Variants in ZNF296 observed in about 807,000 individuals in gnomAD.
The protein encoded by ZNF296 is zinc finger protein 296.
In ZNF296, 1 loss-of-function variant was observed where a neutral mutation model predicts 13.2. The observed-to-expected ratio is 0.08, with a 90% CI of 0.03 to 0.36. The LOEUF (loss-of-function observed/expected upper bound fraction) is 0.36, where lower values mean the gene tolerates loss of function less well. ZNF296 is among the 10% of genes least tolerant of loss of function. ZNF296 has a pLI of 0.99. For synonymous variants in ZNF296, 303 were observed against 289.0 expected (o/e 1.05, Z -0.49); for missense variants, 555 against 688.2 (o/e 0.81, Z 2.16).
chr19:45,072,443 G>A lies in ZNF296; in HGVS notation c.586C>T (p.Leu196Phe), dbSNP rs574757539. ...GCAGCCACCTCGGCCAGGCCCAGGA[G>A]CGGGGCCTCCGGGGCCTCTGATTCT... ...QTESEAPEAP[L>F]LGLAEVAAAV... The change falls in exon 3 of 3, where the codon CTC (leucine) becomes TTC (phenylalanine). Residue 196 changes from leucine (L) to phenylalanine (F), a missense_variant. This residue lies in a region of ZNF296 where 410 missense variants were observed against 548.0 expected (regional missense o/e 0.75). Coordinates refer to ENST00000303809, the MANE Select transcript of ZNF296 (RefSeq NM_145288.3). 6.2e-7 allele frequency: 1 copy of A among 1,612,948 alleles called. No individual in the cohort carries two copies. The highest frequency in any genetic ancestry group is 2.2e-5 in the East Asian group (1 of 44,870).
chr19:45,075,593 C>T, intron 2 of ZNF296, 120 bp downstream of exon 2: 1 of 1,310,926 alleles, frequency 7.6e-7, no homozygotes. Context: ...CTAGGCTGCA[C>T]CCGATGGGGA....
chr19:45,074,197 C>A (rs1967304519), intron 2 of ZNF296, among the ~76,000 whole-genome samples: 2 of 151,652 alleles, frequency 1.3e-5, no homozygotes, highest in African/African-American at 4.8e-5. Flanking sequence ...CCTGTCTCTA[C>A]CAAAAATACA....
At chr19:45,073,722 T>C (rs1967295336) in intron 2 of ZNF296, among the ~76,000 whole-genome samples, 1 of 151,670 alleles carries the variant, frequency 6.6e-6, no homozygotes, top group Admixed American at 6.6e-5. Context: ...CAGAGGCTTT[T>C]GAATAAGATT....
In ZNF296 at chr19:45,072,017, C is replaced by T. The variant is rs769080009; in HGVS notation, c.1012G>A (p.Ala338Thr). ...CCGGCTTGAGCCCCACTGCCAGGAG[C>T]CCCGGGTTCCTGGACACCTGCTGTG... is the stretch of plus-strand genomic sequence containing the variant. ...AATAGVQEPG[A>T]PGSGAQAGPG... Residue 338 changes from alanine (A) to threonine (T), a missense_variant, in exon 3 of 3, where the codon GCT becomes ACT. Around this residue, in one of 3 missense-constraint regions of ZNF296, gnomAD observed 410 missense variants for 548.0 expected, o/e 0.75. Coordinates refer to ENST00000303809, the MANE Select transcript of ZNF296 (RefSeq NM_145288.3). The T allele has an allele frequency of 6.2e-7, 1 of 1,613,106 alleles. No homozygotes were observed. The highest frequency in any genetic ancestry group is 8.5e-7 in the Non-Finnish European group (1 of 1,179,994).
At position 45,071,801 on chromosome 19, in the gene ZNF296, C is replaced by T. The variant is rs767877324; in HGVS notation, c.1228G>A (p.Gly410Arg). 3 of 1,613,374 alleles carry T rather than the reference C, an allele frequency of 1.9e-6. No individual in the cohort carries two copies. Among genetic ancestry groups the T allele is most frequent in the Non-Finnish European group, 2.5e-6 (3 of 1,179,966 alleles). The change falls in exon 3 of 3, where the codon GGG becomes AGG. Residue 410 changes from glycine to arginine, a missense_variant. Physicochemically the swap from Gly to Arg is moderately radical, Grantham distance 125. Around this residue, in one of 3 missense-constraint regions of ZNF296, gnomAD observed 410 missense variants for 548.0 expected, o/e 0.75. Transcript: ENST00000303809. ...NLTVHRRSHT[G>R]ERPYTCEFCN... ...AACTCACAGGTGTAGGGGCGCTCCC[C>T]GGTGTGTGAGCGCCGGTGCACCGTC...
Position 45,072,340 on chromosome 19 carries a change from C to T in ZNF296, c.689G>A (p.Ser230Asn). ...CTTCTTGCACACAGGACAGGTGGGG[C>T]TCCGCCGGGTGAGGCCGCTGCCACT... The part of the protein sequence containing the change: ...RASGSGLTRR[S>N]PTCPVCKKTL... Residue 230 changes from serine (S) to asparagine (N), a missense_variant, in exon 3 of 3, where the codon AGC (serine) becomes AAC (asparagine). Transcript: ENST00000303809. 1 of 1,612,806 alleles carries T rather than the reference C, an allele frequency of 6.2e-7. No individual in the cohort carries two copies. Among genetic ancestry groups the T allele is most frequent in the Non-Finnish European group, 8.5e-7 (1 of 1,179,912 alleles).
At chr19:45,075,883 G>A (rs746359371) in intron 1 of ZNF296, 21 bp from the exon 2 acceptor site, 1 of 1,613,050 alleles carries the variant, frequency 6.2e-7, no homozygotes, top group South Asian at 1.1e-5. Context: ...GAAGCGGGTG[G>A]TGAGCGTGGG....
At position 45,072,370 on chromosome 19, in the gene ZNF296, C is replaced by A; in HGVS notation, c.659G>T (p.Arg220Leu). The part of the protein sequence containing the change: ...VGPAAEAKSP[R>L]ASGSGLTRRS... ...CCGGGTGAGGCCGCTGCCACTTGCA[C>A]GGGGGCTCTTGGCCTCAGCTGCTGG... is the stretch of plus-strand genomic sequence containing the variant. The change falls in exon 3 of 3, where the codon CGT (arginine) becomes CTT (leucine). Residue 220 changes from arginine (R) to leucine (L), a missense_variant. Physicochemically the swap from Arg to Leu is moderately radical, Grantham distance 102 (BLOSUM62 -2). Around this residue, in one of 3 missense-constraint regions of ZNF296, gnomAD observed 410 missense variants for 548.0 expected, o/e 0.75. Coordinates refer to ENST00000303809, the MANE Select transcript of ZNF296 (RefSeq NM_145288.3). The A allele has an allele frequency of 6.2e-7, 1 of 1,612,616 alleles. No individual in the cohort carries two copies. The highest frequency in any genetic ancestry group is 8.5e-7 in the Non-Finnish European group (1 of 1,179,856).
chr19:45,076,108 G>A lies in ZNF296; in HGVS notation c.266C>T (p.Thr89Ile), dbSNP rs541472976. ...LLALGPRNPW[T>I]LWTPLTPNYP... Reference sequence around the variant, plus strand: ...GTTCGGGGTCAACGGCGTCCACAGGGTCCACGGGTTCCGCGGGCCGAGGGC... The same window carrying A: ...GTTCGGGGTCAACGGCGTCCACAGGATCCACGGGTTCCGCGGGCCGAGGGC... Residue 89 changes from threonine (T) to isoleucine (I), a missense_variant, in exon 1 of 3, where the codon ACC (threonine) becomes ATC (isoleucine). Thr to Ile is a moderately conservative substitution (Grantham distance 89). This residue lies in a region of ZNF296 where 137 missense variants were observed against 121.9 expected (regional missense o/e 1.12). Coordinates refer to ENST00000303809, the MANE Select transcript of ZNF296 (RefSeq NM_145288.3). This position sits in a 1 kb window ranked among gnomAD's most constrained non-coding sequence, Gnocchi z 4.9. 3.2e-5 allele frequency: 50 copies of A among 1,576,310 alleles called. No individual in the cohort carries two copies. Among genetic ancestry groups the A allele is most frequent in the Non-Finnish European group, 3.2e-5 (37 of 1,166,836 alleles).
chr19:45,072,691 C>T, intron 2 of ZNF296, 111 bp from the exon 3 acceptor site: 1 of 1,348,984 alleles, frequency 7.4e-7, no homozygotes, highest in South Asian at 1.5e-5. Flanking sequence ...AAGACACACA[C>T]ACCCTGGAAG....
chr19:45,071,973 C>T lies in ZNF296; in HGVS notation c.1056G>A (p.Trp352Ter), dbSNP rs1157475903. 6.2e-7 allele frequency: 1 copy of T among 1,613,590 alleles called. No homozygotes were observed. ...TTCTTTGTTCCGTGGTGATGGCTCCCCAAGTGTCTCCACCAGGGCCGGCTT... is the reference window on the plus strand; with the variant it reads ...TTCTTTGTTCCGTGGTGATGGCTCCTCAAGTGTCTCCACCAGGGCCGGCTT... ...GAQAGPGGDT[W>*]GAITTEQRTD... The change falls in exon 3 of 3, where the codon TGG becomes TGA. Residue 352 changes from tryptophan to a stop codon, truncating the protein, a stop_gained. Coordinates refer to ENST00000303809, the MANE Select transcript of ZNF296 (RefSeq NM_145288.3). LOFTEE classifies it low-confidence loss of function (END_TRUNC).
intron 2 of ZNF296, among the ~76,000 whole-genome samples, chr19:45,073,892 C>T (rs1216315302): frequency 4.0e-5 from 6 of 151,278 alleles, no homozygotes; most frequent in Non-Finnish European, 8.8e-5. Flanking sequence ...TGTGGTGGTG[C>T]GCGCCTGTAA....
At position 45,076,113 on chromosome 19, in the gene ZNF296, C is replaced by A; in HGVS notation, c.261G>T (p.Pro87=). The A allele has an allele frequency of 6.4e-7, 1 of 1,571,512 alleles. No individual in the cohort carries two copies. The highest frequency in any genetic ancestry group is 8.6e-7 in the Non-Finnish European group (1 of 1,164,470). Residue 87 remains proline, a synonymous_variant, in exon 1 of 3, where the codon CCG becomes CCT. Transcript: ENST00000303809. The surrounding 1 kb of genome is among the most constrained non-coding windows in gnomAD (Gnocchi z 4.9). ...GGGTCAACGGCGTCCACAGGGTCCACGGGTTCCGCGGGCCGAGGGCGAGGA... is the reference window on the plus strand; with the variant it reads ...GGGTCAACGGCGTCCACAGGGTCCAAGGGTTCCGCGGGCCGAGGGCGAGGA... ...AALLALGPRN[P]WTLWTPLTPN...
intron 2 of ZNF296, 21 bp downstream of exon 2, chr19:45,075,692 A>G: frequency 6.2e-7 from 1 of 1,610,706 alleles, no homozygotes; most frequent in Non-Finnish European, 8.5e-7. Context: ...TGAGAGGGGG[A>G]CTGCACCCGG....
chr19:45,075,083 G>A (rs1400227192), intron 2 of ZNF296, among the ~76,000 whole-genome samples: 2 of 152,200 alleles, frequency 1.3e-5, no homozygotes, highest in African/African-American at 2.4e-5. Flanking sequence ...CGAGGGTCAA[G>A]CCCCATGTGA....
In ZNF296 at chr19:45,076,232, G is replaced by A. The variant is rs758614121; in HGVS notation, c.142C>T (p.Leu48=). The part of the protein sequence containing the change: ...PDAQPQQAPR[L]GPFSPKEVSS... ...ACCTCCTTCGGGGAGAAGGGCCCCA[G>A]CCTTGGGGCCTGTTGGGGCTGCGCG... Residue 48 remains leucine (L), a synonymous_variant, in exon 1 of 3, where the codon CTG becomes TTG. Coordinates refer to ENST00000303809, the MANE Select transcript of ZNF296 (RefSeq NM_145288.3). The surrounding 1 kb of genome is among the most constrained non-coding windows in gnomAD (Gnocchi z 4.9). The A allele has an allele frequency of 1.4e-5, 21 of 1,508,306 alleles. No homozygotes were observed. The highest frequency in any genetic ancestry group is 1.6e-5 in the Non-Finnish European group (18 of 1,133,414). 93.4% of individuals were successfully genotyped at this position (1,508,306 alleles called of 1,614,324 possible). A position where few individuals can be genotyped will look rare whatever the true frequency, so the allele number is the denominator to read the frequency against.
At chr19:45,073,272 G>A (rs1337053336) in intron 2 of ZNF296, among the ~76,000 whole-genome samples, 1 of 151,646 alleles carries the variant, frequency 6.6e-6, no homozygotes, top group African/African-American at 2.4e-5. Context: ...TGGGGGAGGG[G>A]GAGAGGGCAG....
chr19:45,073,195 C>G (rs181401674), intron 2 of ZNF296, among the ~76,000 whole-genome samples: 8 of 152,076 alleles, frequency 5.3e-5, no homozygotes, highest in African/African-American at 1.9e-4. Flanking sequence ...AACTGAGGCA[C>G]AGAGAGGCAT....
Position 45,076,453 on chromosome 19 carries a change from G to A in ZNF296, c.-80C>T. On this transcript the variant is annotated 5_prime_UTR_variant, in exon 1 of 3. Transcript: ENST00000303809. The surrounding 1 kb of genome is among the most constrained non-coding windows in gnomAD (Gnocchi z 4.9). ...AGGACGCACGAGCGGAGGACGCGCG[G>A]ACCGTGCGCGCTCAGGTGAGTGACT... 1 of 1,067,764 alleles carries A rather than the reference G, an allele frequency of 9.4e-7. No homozygotes were observed. Among genetic ancestry groups the A allele is most frequent in the Non-Finnish European group, 1.2e-6 (1 of 844,416 alleles). The allele number at this position is 1,067,764 out of a possible 1,614,324, so 66.1% of individuals were successfully genotyped here.
Sources: allele counts gnomAD v4.1 joint callset (sites outside exome capture counted in the v4.1 genomes callset), GRCh38; gene constraint gnomAD v4.1.1; regional missense constraint gnomAD v4.1.1; non-coding constraint Gnocchi (gnomAD v3.1); transcripts MANE v1.5; gene names NCBI Gene and HGNC (gene_info 2026-07-23, HGNC 2026-07-21).